Variants in MED24 observed in about 807,000 individuals in gnomAD.
The protein encoded by MED24 is mediator of RNA polymerase II transcription subunit 24.
A neutral mutation model predicts 118.8 loss-of-function variants in MED24; 74 were observed. That is an observed-to-expected ratio of 0.62 (90% CI 0.52 to 0.76). The LOEUF is 0.76. Ranked by LOEUF, MED24 falls within the 30% of genes least tolerant of loss-of-function variation. MED24 has a pLI of 0.00. For synonymous variants in MED24, 521 were observed against 523.9 expected (o/e 0.99, Z 0.08); for missense variants, 1,041 against 1,278.9 (o/e 0.81, Z 2.84).
chr17:40,027,067 G>A (rs756886135), intron 16 of MED24, 33 bp from the exon 17 acceptor site: 16 of 1,610,012 alleles, frequency 9.9e-6, no homozygotes, highest in Non-Finnish European at 1.4e-5. Flanking sequence ...CCAGCCGAGT[G>A]GGGAGGGCGC....
rs749566659 is a variant in MED24 at position 40,033,047 on chromosome 17, C to T, written c.822+9G>A. The T allele has an allele frequency of 1.2e-5, 19 of 1,613,496 alleles. No individual in the cohort carries two copies. The highest frequency in any genetic ancestry group is 1.4e-5 in the Non-Finnish European group (17 of 1,179,974). ...CTTGGAGAAGGGAGAGCCACTCGGC[C>T]CCTCCCACCTGCATGCGCTTCACCA... On this transcript the variant is annotated intron_variant, in intron 8 of 25. Coordinates refer to ENST00000394128, the MANE Select transcript of MED24 (RefSeq NM_014815.4). The surrounding 1 kb of genome is among the most constrained non-coding windows in gnomAD (Gnocchi z 5.2).
At chr17:40,049,967 T>A (rs1175745098) in intron 3 of MED24, among the ~76,000 whole-genome samples, 5 of 131,790 alleles carry the variant, frequency 3.8e-5, no homozygotes, top group Non-Finnish European at 8.1e-5. Flanking sequence ...CTGGCCAACA[T>A]GGTGAAACCC....
chr17:40,020,621 T>A, intron 23 of MED24: 1 of 494,716 alleles, frequency 2.0e-6, no homozygotes, highest in Non-Finnish European at 3.6e-6. Context: ...ACCTCATCTC[T>A]ACAAAAAATA....
At chr17:40,021,720 GTGGGC>G (rs1171004038) in intron 23 of MED24, among the ~76,000 whole-genome samples, 1 of 152,196 alleles carries the variant, frequency 6.6e-6, no homozygotes, top group Admixed American at 6.5e-5. Context: ...GGGAACAACT[GTGGGC>G]TGGGCTGGAC....
Position 40,033,175 on chromosome 17 carries a change from G to T in MED24, c.703C>A (p.Gln235Lys), listed in dbSNP as rs759132893. ...IPTMLSVHAE[Q>K]MHKTGFPTVH... ...GTGGGGAAGCCGGTCTTGTGCATCT[G>T]CTCCGCATGCACAGACAGCATCGTG... The change falls in exon 8 of 26, where the codon CAG (glutamine) becomes AAG (lysine). Residue 235 changes from glutamine to lysine, a missense_variant. Around this residue, in one of 3 missense-constraint regions of MED24, gnomAD observed 434 missense variants for 514.9 expected, o/e 0.84. Coordinates refer to ENST00000394128, the MANE Select transcript of MED24 (RefSeq NM_014815.4). The surrounding 1 kb of genome is among the most constrained non-coding windows in gnomAD (Gnocchi z 5.2). The T allele has an allele frequency of 6.2e-7, 1 of 1,614,104 alleles. No individual in the cohort carries two copies. Among genetic ancestry groups the T allele is most frequent in the Non-Finnish European group, 8.5e-7 (1 of 1,180,028 alleles).
At chr17:40,048,830 C>A (rs958872238) in intron 3 of MED24, among the ~76,000 whole-genome samples, 1 of 152,128 alleles carries the variant, frequency 6.6e-6, no homozygotes, top group Admixed American at 6.6e-5. Context: ...GCTGGGATTA[C>A]AGGCAGGAGC....
Position 40,020,347 on chromosome 17 carries a change from C to T in MED24, c.2630G>A (p.Arg877Gln), listed in dbSNP as rs779300635. The T allele has an allele frequency of 6.3e-6, 10 of 1,596,974 alleles. No homozygotes were observed. Among genetic ancestry groups the T allele is most frequent in the Admixed American group, 3.5e-5 (2 of 57,438 alleles). The change falls in exon 24 of 26, where the codon CGA becomes CAA. Residue 877 changes from arginine to glutamine, a missense_variant. This residue lies in a region of MED24 where 587 missense variants were observed against 694.4 expected (regional missense o/e 0.85). Coordinates refer to ENST00000394128, the MANE Select transcript of MED24 (RefSeq NM_014815.4). ...GGCTGAGAGGGAGCTGCTCATGGAT[C>T]GGTCTGCTGTGGGACGGAGCAGATG... ...DANILSSPTD[R>Q]SMSSSLSASQ...
intron 3 of MED24, among the ~76,000 whole-genome samples, chr17:40,046,416 T>C (rs1985211182): frequency 1.3e-5 from 2 of 149,226 alleles, no homozygotes; most frequent in Admixed American, 6.8e-5. Flanking sequence ...AAAATATATA[T>C]GTGTCAACTG....
chr17:40,021,889 G>T, intron 23 of MED24, 66 bp downstream of exon 23: 2 of 1,187,032 alleles, frequency 1.7e-6, no homozygotes, highest in Non-Finnish European at 2.4e-6. Context: ...GGCAGCGGCA[G>T]AGTGGCAGCA....
chr17:40,026,288 A>T lies in MED24; in HGVS notation c.1853T>A (p.Val618Glu), dbSNP rs986699559. 1 of 1,614,050 alleles carries T rather than the reference A, an allele frequency of 6.2e-7. No individual in the cohort carries two copies. Among genetic ancestry groups the T allele is most frequent in the Non-Finnish European group, 8.5e-7 (1 of 1,180,046 alleles). ...GGCCACAAGCCAAGCCACAGCACAC[A>T]CCGCCAGACTGCATACCTTCCCTTT... is the stretch of plus-strand genomic sequence containing the variant. Reference protein sequence around the residue: ...NIKGKVCSLAVCAVAWLVAHV... With the variant: ...NIKGKVCSLAECAVAWLVAHV... Residue 618 changes from valine (V) to glutamate (E), a missense_variant, in exon 19 of 26, where the codon GTG (valine) becomes GAG (glutamate). Val to Glu is a moderately radical substitution (Grantham distance 121, BLOSUM62 -2). Coordinates refer to ENST00000394128, the MANE Select transcript of MED24 (RefSeq NM_014815.4).
At chr17:40,022,862 G>C (rs377018633) in intron 20 of MED24, 36 bp from the exon 21 acceptor site, 11 of 1,604,464 alleles carry the variant, frequency 6.9e-6, no homozygotes, top group African/African-American at 1.3e-5. Flanking sequence ...CAGGAGCCAG[G>C]GGCCCGGGAT....
chr17:40,046,374 T>C (rs1278477309), intron 3 of MED24, among the ~76,000 whole-genome samples: 1 of 147,180 alleles, frequency 6.8e-6, no homozygotes. Context: ...CATGATCCAC[T>C]GCGCCCAGCC....
At chr17:40,021,691 A>AGG (rs531700436) in intron 23 of MED24, among the ~76,000 whole-genome samples, 6 of 151,950 alleles carry the variant, frequency 3.9e-5, no homozygotes, top group Non-Finnish European at 5.9e-5. Context: ...GGGGTAAGGG[A>AGG]GGGGCAGGAG....
At chr17:40,044,245 C>T (rs748189583) in intron 3 of MED24, among the ~76,000 whole-genome samples, 13 of 151,708 alleles carry the variant, frequency 8.6e-5, no homozygotes, top group Non-Finnish European at 1.8e-4. Flanking sequence ...ATAGGCCGGG[C>T]GCAGTGGCTT....
intron 17 of MED24, 21 bp from the exon 18 acceptor site, chr17:40,026,767 C>A: frequency 6.2e-7 from 1 of 1,611,108 alleles, no homozygotes; most frequent in South Asian, 1.1e-5. Flanking sequence ...GCAGAGAAGT[C>A]AGCACAGGGG....
rs34021774 is a variant in MED24, at chr17:40,030,666, A to ATTTTT, written c.1154+488_1154+492dup. Among the ~76,000 whole-genome samples, 485 of 129,892 alleles carry ATTTTT rather than the reference A, an allele frequency of 3.7e-3. 3 individuals carry two copies. The highest frequency in any genetic ancestry group is 0.013 in the African/African-American group (465 of 34,996). The allele number at this position is 129,892 out of a possible 152,430, so 85.2% of individuals were successfully genotyped here. ...ATTCAGGATTTTTATTTATTTATTT[A>ATTTTT]TTTTTTTTTTGAGACAAGGTCTCAC... is the stretch of plus-strand genomic sequence containing the variant. On this transcript the variant is annotated intron_variant, in intron 12 of 25. Transcript: ENST00000394128.
chr17:40,035,528 TACTCCAG>T (rs1983831734), intron 5 of MED24, among the ~76,000 whole-genome samples, 179 bp from the exon 6 acceptor site: 1 of 152,034 alleles, frequency 6.6e-6, no homozygotes, highest in Non-Finnish European at 1.5e-5. Flanking sequence ...TCAAATGAGC[TACTCCAG>T]ACAGAGAGGA....
chr17:40,024,209 A>T (rs1982378552), intron 19 of MED24, among the ~76,000 whole-genome samples: 1 of 152,188 alleles, frequency 6.6e-6, no homozygotes, highest in South Asian at 2.1e-4. Context: ...TCCAAACCTC[A>T]TTCAGCTCAA....
chr17:40,023,285 T>C lies in MED24; in HGVS notation c.2096A>G (p.Asn699Ser). Reference sequence around the variant, plus strand: ...GATGGGCCGCTTGGGGGGCAGCAGGTTCCAGTAGGGCATTGTGTCCACCCC... The same window carrying C: ...GATGGGCCGCTTGGGGGGCAGCAGGCTCCAGTAGGGCATTGTGTCCACCCC... ...STGVDTMPYW[N>S]LLPPKRPIKE... Residue 699 changes from asparagine (N) to serine (S), a missense_variant, in exon 20 of 26, where the codon AAC becomes AGC. This residue lies in a region of MED24 where 587 missense variants were observed against 694.4 expected (regional missense o/e 0.85). Coordinates refer to ENST00000394128, the MANE Select transcript of MED24 (RefSeq NM_014815.4). 6.2e-7 allele frequency: 1 copy of C among 1,614,116 alleles called. No individual in the cohort carries two copies. The highest frequency in any genetic ancestry group is 1.3e-5 in the African/African-American group (1 of 75,030).
Sources: allele counts gnomAD v4.1 joint callset (sites outside exome capture counted in the v4.1 genomes callset), GRCh38; gene constraint gnomAD v4.1.1; regional missense constraint gnomAD v4.1.1; non-coding constraint Gnocchi (gnomAD v3.1); transcripts MANE v1.5; gene names NCBI Gene and HGNC (gene_info 2026-07-23, HGNC 2026-07-21).